The following DOCK2 variants were observed in gnomAD, a reference collection of about 807,000 sequenced individuals.
DOCK2 encodes dedicator of cytokinesis 2.
Under a neutral mutation model 248.9 loss-of-function variants are expected in DOCK2, and 87 were observed. The ratio of observed to expected loss-of-function variants is 0.35; its 90% CI spans 0.29 to 0.42. The LOEUF (loss-of-function observed/expected upper bound fraction) is 0.42. Among genes scored for constraint, DOCK2 ranks in the 10% least tolerant of loss-of-function variants. The pLI is 1.00. For missense variants in DOCK2, 1,747 were observed against 2,300.2 expected (o/e 0.76, Z 4.92); for synonymous variants, 805 against 821.6 (o/e 0.98, Z 0.35).
intron 15 of DOCK2, 28 bp from the exon 16 acceptor site, chr5:169,711,907 G>A (rs1348371187): frequency 6.2e-7 from 1 of 1,613,112 alleles, no homozygotes; most frequent in Admixed American, 1.7e-5. Flanking sequence ...AACTCATTGT[G>A]TTCTGAGCTC....
chr5:169,808,875 C>T (rs970352472), intron 26 of DOCK2, among the ~76,000 whole-genome samples: 4 of 152,136 alleles, frequency 2.6e-5, no homozygotes, highest in South Asian at 2.1e-4. Context: ...GCATCTGAAT[C>T]GTGGACATAA....
chr5:169,696,302 G>A (rs1171332863), intron 10 of DOCK2, among the ~76,000 whole-genome samples: 1 of 152,208 alleles, frequency 6.6e-6, no homozygotes, highest in Non-Finnish European at 1.5e-5. Context: ...GACAGGAAAT[G>A]CAGTTACACA....
intron 27 of DOCK2, among the ~76,000 whole-genome samples, chr5:169,860,649 C>A (rs1172041470): frequency 6.6e-6 from 1 of 152,182 alleles, no homozygotes; most frequent in African/African-American, 2.4e-5. Context: ...CAGGTGTAAA[C>A]CCAAGCTGGT....
At chr5:169,645,844 T>C (rs1561901746) in intron 1 of DOCK2, among the ~76,000 whole-genome samples, 1 of 152,006 alleles carries the variant, frequency 6.6e-6, no homozygotes, top group Non-Finnish European at 1.5e-5. Flanking sequence ...ACCTCCTGGG[T>C]TCACGCCATT....
chr5:169,929,085 T>G (rs913089831), intron 27 of DOCK2, among the ~76,000 whole-genome samples: 1 of 152,176 alleles, frequency 6.6e-6, no homozygotes, highest in African/African-American at 2.4e-5. Flanking sequence ...CCAGGTAGAC[T>G]GAAGTTCTGT....
At chr5:169,640,237 C>T (rs1440242358) in intron 1 of DOCK2, among the ~76,000 whole-genome samples, 1 of 152,200 alleles carries the variant, frequency 6.6e-6, no homozygotes, top group Non-Finnish European at 1.5e-5. Flanking sequence ...AAATTCATGA[C>T]AAATAATCTG....
At chr5:169,689,360 C>G in intron 9 of DOCK2, 27 bp downstream of exon 9, 1 of 1,612,038 alleles carries the variant, frequency 6.2e-7, no homozygotes, top group Non-Finnish European at 8.5e-7. Context: ...TTCTCGTTAC[C>G]GTGCTCCCCA....
At chr5:169,934,058 C>T (rs763872437) in intron 27 of DOCK2, among the ~76,000 whole-genome samples, 1 of 152,154 alleles carries the variant, frequency 6.6e-6, no homozygotes, top group Non-Finnish European at 1.5e-5. Flanking sequence ...CCATACTGCT[C>T]ATTGATCAGT....
intron 27 of DOCK2, among the ~76,000 whole-genome samples, chr5:169,924,191 G>A (rs1775321421): frequency 6.6e-6 from 1 of 152,172 alleles, no homozygotes; most frequent in African/African-American, 2.4e-5. Context: ...ACAGCCATCT[G>A]ACAAGTTGGT....
At chr5:169,933,040 A>C (rs1775829118) in intron 27 of DOCK2, among the ~76,000 whole-genome samples, 1 of 152,222 alleles carries the variant, frequency 6.6e-6, no homozygotes, top group African/African-American at 2.4e-5. Context: ...AGGTATTGGC[A>C]GGCAAAATTA....
intron 27 of DOCK2, among the ~76,000 whole-genome samples, chr5:169,942,677 C>CTG (rs1362464876): frequency 6.6e-6 from 1 of 152,184 alleles, no homozygotes. Context: ...GGCCTTGGCC[C>CTG]TGCAAGCAGT....
At chr5:170,056,083 A>C (rs1461467387) in intron 42 of DOCK2, among the ~76,000 whole-genome samples, 1 of 152,168 alleles carries the variant, frequency 6.6e-6, no homozygotes, top group Non-Finnish European at 1.5e-5. Context: ...GCTTTGCAAG[A>C]TGAAGGACCC....
rs1757871465 is a variant in DOCK2, at chr5:170,077,381, G to C, written c.4867-329G>C. On this transcript the variant is annotated intron_variant, in intron 47 of 51. Transcript: ENST00000520908. Reference sequence around the variant, plus strand: ...GCCCCAGCCCAGCCCTATAATCATAGAGCTGGTCTTTCTGGCCATCAGGAG... The same window carrying C: ...GCCCCAGCCCAGCCCTATAATCATACAGCTGGTCTTTCTGGCCATCAGGAG... Among the ~76,000 whole-genome samples the C allele has an allele frequency of 2.0e-5, 3 of 152,204 alleles. No individual in the cohort carries two copies. In the South Asian group the frequency reaches 6.2e-4, roughly 31 times the overall value.
rs1755700294 is a variant in DOCK2 at position 170,020,951 on chromosome 5, C to T, written c.3381+1843C>T. The stretch of plus-strand genomic sequence containing the variant: ...CTGAGACATTCCATGGCAAACAGAT[C>T]TGTCATTTCTTAAATTTATTTGTGC... On this transcript the variant is annotated intron_variant, in intron 33 of 51. Transcript: ENST00000520908. 3.3e-5 allele frequency among the ~76,000 whole-genome samples: 5 copies of T among 152,362 alleles called. No individual in the cohort carries two copies. The South Asian group carries it at 1.0e-3, about 32-fold the overall frequency.
intron 30 of DOCK2, among the ~76,000 whole-genome samples, chr5:170,000,889 G>A (rs1442979953): frequency 1.3e-5 from 2 of 152,140 alleles, no homozygotes; most frequent in African/African-American, 4.8e-5. Flanking sequence ...AGCCACCTTG[G>A]TCTTTATAAT....
intron 25 of DOCK2, among the ~76,000 whole-genome samples, chr5:169,773,551 T>C (rs777986574): frequency 6.6e-6 from 1 of 152,178 alleles, no homozygotes; most frequent in Non-Finnish European, 1.5e-5. Context: ...GATTCTTATC[T>C]AGTTTTGGAA....
rs368401012 is a variant in DOCK2, at chr5:169,861,148, A to C, written c.2799+20296A>C. On this transcript the variant is annotated intron_variant, in intron 27 of 51. Transcript: ENST00000520908. ...CGGGGCTTCATGTGATCATCGTGACACTAAGTTCTGAATCTGCTCTTTATT... is the reference window on the plus strand; with the variant it reads ...CGGGGCTTCATGTGATCATCGTGACCCTAAGTTCTGAATCTGCTCTTTATT... Among the ~76,000 whole-genome samples the C allele has an allele frequency of 3.9e-3, 588 of 152,260 alleles. 38 individuals are homozygous for C. In the South Asian group the frequency reaches 0.12, roughly 30 times the overall value.
At chr5:169,987,245 C>A (rs936505461) in intron 29 of DOCK2, among the ~76,000 whole-genome samples, 1 of 152,176 alleles carries the variant, frequency 6.6e-6, no homozygotes, top group African/African-American at 2.4e-5. Flanking sequence ...CCTATAGGTA[C>A]AGAAAAAATC....
intron 33 of DOCK2, among the ~76,000 whole-genome samples, chr5:170,023,286 T>G (rs6866324): frequency 0.16 from 23,955 of 152,176 alleles, 2,624 homozygotes; most frequent in African/African-American, 0.3. Flanking sequence ...GAGCTCAATC[T>G]TTGCTCATTG....
Sources: gnomAD v4.1 joint callset for allele counts (sites outside exome capture counted in the v4.1 genomes callset) on GRCh38, gnomAD v4.1.1 for gene constraint, MANE v1.5 for transcripts, NCBI Gene and HGNC (gene_info 2026-07-23, HGNC 2026-07-21) for gene names.